Variants in EIF2AK4 observed in about 807,000 individuals in gnomAD.
EIF2AK4 encodes eukaryotic translation initiation factor 2 alpha kinase 4.
EIF2AK4 carries 139 observed loss-of-function variants against 211.1 expected under a neutral mutation model. The observed-to-expected ratio is 0.66, with a 90% CI of 0.57 to 0.76. The LOEUF (loss-of-function observed/expected upper bound fraction) is 0.76, where lower values mean the gene tolerates loss of function less well. EIF2AK4 is among the 30% of genes least tolerant of loss of function. The pLI, the probability that EIF2AK4 is intolerant of heterozygous loss-of-function variation, is 0.00. For missense variants in EIF2AK4, 1,664 were observed against 2,043.8 expected (o/e 0.81, Z 3.58); for synonymous variants, 710 against 751.3 (o/e 0.94, Z 0.90).
chr15:40,029,323 C>G (rs2035507313), intron 33 of EIF2AK4, 83 bp from the exon 34 acceptor site: 4 of 1,534,404 alleles, frequency 2.6e-6, no homozygotes, highest in Non-Finnish European at 3.5e-6. Context: ...AAGTGGCTCA[C>G]TATACATGTA....
At chr15:39,996,904 C>T (rs2035025333) in intron 18 of EIF2AK4, 60 bp from the exon 19 acceptor site, 1 of 1,183,840 alleles carries the variant, frequency 8.4e-7, no homozygotes, top group South Asian at 1.2e-5. Context: ...TCCTATAATT[C>T]CCTGGTAAAT....
At chr15:39,997,135 A>G in intron 19 of EIF2AK4, 70 bp downstream of exon 19, 2 of 1,156,588 alleles carry the variant, frequency 1.7e-6, no homozygotes, top group Non-Finnish European at 1.3e-6. Flanking sequence ...CAGAATTCAA[A>G]GCAGGATATT....
chr15:39,982,115 A>G (rs376443164), intron 13 of EIF2AK4, among the ~76,000 whole-genome samples: 1,534 of 151,996 alleles, frequency 0.01, 27 homozygotes, highest in African/African-American at 0.036. Flanking sequence ...TAGTAGAGAC[A>G]GGGTTTCACC....
chr15:39,976,081 A>G (rs2034688449), intron 11 of EIF2AK4, among the ~76,000 whole-genome samples: 1 of 152,258 alleles, frequency 6.6e-6, no homozygotes, highest in Admixed American at 6.5e-5. Flanking sequence ...ATAATTTTTA[A>G]TCTTAAAATC....
Position 40,024,403 on chromosome 15 carries a change from CTTTTTTTT to C in EIF2AK4, c.4390-1558_4390-1551del, listed in dbSNP as rs554877205. ...TACACAGTCACTAGGTTGAGTTTTCCTTTTTTTTTTTTTTTTTTTTTTTGAGATGGATT... is the reference window on the plus strand; with the variant it reads ...TACACAGTCACTAGGTTGAGTTTTCCTTTTTTTTTTTTTTTGAGATGGATT... On this transcript the variant is annotated intron_variant, in intron 32 of 38. Transcript: ENST00000263791. Among the ~76,000 whole-genome samples the C allele has an allele frequency of 1.2e-3, 110 of 90,774 alleles. 1 individual carries two copies. In the South Asian group the frequency reaches 0.022, roughly 18 times the overall value. The allele number at this position is 90,774 out of a possible 152,430, so 59.6% of individuals were successfully genotyped here.
rs955574686 is a variant in EIF2AK4, at chr15:40,005,850, C to T, written c.3358-1166C>T. ...CCTCCCAGAGTGCTGGGATTACAGG[C>T]GTGAGCCACCGCACCCGGCCTGCAT... On this transcript the variant is annotated intron_variant, in intron 23 of 38. Transcript: ENST00000263791. Among the ~76,000 whole-genome samples, 43 of 152,020 alleles carry T rather than the reference C, an allele frequency of 2.8e-4. 1 individual carries two copies. Among genetic ancestry groups the T allele is most frequent in the Non-Finnish European group, 2.2e-4 (15 of 67,980 alleles).
intron 3 of EIF2AK4, 130 bp from the exon 4 acceptor site, chr15:39,948,986 A>T: frequency 9.4e-7 from 1 of 1,068,072 alleles, no homozygotes; most frequent in South Asian, 1.5e-5. Context: ...AGAGTATGTC[A>T]TATCAAAATG....
chr15:39,955,683 C>T lies in EIF2AK4; in HGVS notation c.658C>T (p.His220Tyr). The T allele has an allele frequency of 6.2e-7, 1 of 1,613,256 alleles. No individual in the cohort carries two copies. Among genetic ancestry groups the T allele is most frequent in the South Asian group, 1.1e-5 (1 of 90,840 alleles). The change falls in exon 6 of 39, where the codon CAC becomes TAC. Residue 220 changes from histidine to tyrosine, a missense_variant. This residue lies in a region of EIF2AK4 where 641 missense variants were observed against 729.6 expected (regional missense o/e 0.88). Transcript: ENST00000263791. ...TACCTCTAAGAAGGACCCAGGAGGA[C>T]ACAGAACGGCTGCCATTCTACATGG... is the stretch of plus-strand genomic sequence containing the variant. ...DHTSKKDPGGHRTAAILHGGS... is the reference protein window; with the variant it reads ...DHTSKKDPGGYRTAAILHGGS...
chr15:39,936,768 G>A (rs1194961128), intron 1 of EIF2AK4, among the ~76,000 whole-genome samples: 3 of 152,158 alleles, frequency 2.0e-5, no homozygotes, highest in Non-Finnish European at 1.5e-5. Flanking sequence ...TTCTGTTCAC[G>A]TTTATGTGTG....
chr15:40,001,308 C>T (rs2035087955), intron 21 of EIF2AK4, 84 bp downstream of exon 21: 5 of 1,355,966 alleles, frequency 3.7e-6, no homozygotes, highest in Non-Finnish European at 5.2e-6. Flanking sequence ...TCTTTTAATG[C>T]CTCTAACATA....
At chr15:39,951,101 T>G (rs1327352447) in intron 4 of EIF2AK4, among the ~76,000 whole-genome samples, 2 of 152,218 alleles carry the variant, frequency 1.3e-5, no homozygotes, top group African/African-American at 4.8e-5. Context: ...AAAAAAATAT[T>G]TAACATTCAG....
At chr15:39,965,068 G>A (rs2034524279) in intron 7 of EIF2AK4, among the ~76,000 whole-genome samples, 1 of 152,156 alleles carries the variant, frequency 6.6e-6, no homozygotes, top group Non-Finnish European at 1.5e-5. Context: ...GTCAGCAAAG[G>A]TAGACTCGTT....
At chr15:40,026,238 TGA>T in intron 33 of EIF2AK4, 149 bp downstream of exon 33, 1 of 695,134 alleles carries the variant, frequency 1.4e-6, no homozygotes, top group Non-Finnish European at 2.4e-6. Context: ...GGGAATCACT[TGA>T]GGCCAGGAAT....
At chr15:39,969,191 CAT>C (rs987975250) in intron 9 of EIF2AK4, among the ~76,000 whole-genome samples, 1 of 151,974 alleles carries the variant, frequency 6.6e-6, no homozygotes, top group Non-Finnish European at 1.5e-5. Flanking sequence ...GCAATAGCAT[CAT>C]GTGTTGTTAA....
At chr15:39,994,119 T>C (rs1237895984) in intron 18 of EIF2AK4, among the ~76,000 whole-genome samples, 4 of 152,160 alleles carry the variant, frequency 2.6e-5, no homozygotes, top group African/African-American at 7.2e-5. Context: ...AAATTCAGTT[T>C]GAGGCATGTT....
chr15:39,988,176 A>C, intron 15 of EIF2AK4, 71 bp downstream of exon 15: 1 of 1,556,646 alleles, frequency 6.4e-7, no homozygotes, highest in Non-Finnish European at 8.8e-7. Context: ...AAAATATCAA[A>C]TGTAAGATTG....
At chr15:40,001,633 CAA>C (rs11383908) in intron 21 of EIF2AK4, among the ~76,000 whole-genome samples, 9 of 120,348 alleles carry the variant, frequency 7.5e-5, no homozygotes, top group Admixed American at 1.9e-4. Flanking sequence ...GACCCCAACT[CAA>C]AAAAAAAAAA....
In EIF2AK4 at chr15:39,934,253, C is replaced by A. The variant is rs2034029108; in HGVS notation, c.58C>A (p.Pro20Thr). The change falls in exon 1 of 39, where the codon CCG (proline) becomes ACG (threonine). Residue 20 changes from proline (P) to threonine (T), a missense_variant. By Grantham distance (38) the Pro-to-Thr change is conservative. This residue lies in a region of EIF2AK4 where 641 missense variants were observed against 729.6 expected (regional missense o/e 0.88). Transcript: ENST00000263791. ...RGRDEPPESY[P>T]QRQDHELQAL... ...CCGGGACGAGCCTCCGGAGAGCTAC[C>A]CGCAACGACAGGACCACGAGCTACA... The A allele has an allele frequency of 1.9e-6, 3 of 1,610,098 alleles. No homozygotes were observed. Among genetic ancestry groups the A allele is most frequent in the Non-Finnish European group, 2.5e-6 (3 of 1,178,564 alleles).
chr15:40,016,680 AAC>A lies in EIF2AK4; in HGVS notation c.3930+10_3930+11del. 6.2e-7 allele frequency: 1 copy of A among 1,613,830 alleles called. No individual in the cohort carries two copies. The highest frequency in any genetic ancestry group is 8.5e-7 in the Non-Finnish European group (1 of 1,179,888). ...CTCGGCATCAAGTTACAGGTTTGGCAACAGTTTGATACTGGCAGTACAAATGT... is the reference window on the plus strand; with the variant it reads ...CTCGGCATCAAGTTACAGGTTTGGCAAGTTTGATACTGGCAGTACAAATGT... On this transcript the variant is annotated intron_variant, in intron 28 of 38. Coordinates refer to ENST00000263791, the MANE Select transcript of EIF2AK4 (RefSeq NM_001013703.4).
Sources: allele counts gnomAD v4.1 joint callset (sites outside exome capture counted in the v4.1 genomes callset), GRCh38; gene constraint gnomAD v4.1.1; regional missense constraint gnomAD v4.1.1; transcripts MANE v1.5; gene names NCBI Gene and HGNC (gene_info 2026-07-23, HGNC 2026-07-21).